Variants in LEPR observed in about 807,000 individuals in gnomAD.
LEPR encodes OB receptor.
A neutral mutation model predicts 114.7 loss-of-function variants in LEPR; 56 were observed. The ratio of observed to expected loss-of-function variants is 0.49; its 90% CI spans 0.39 to 0.61. The LOEUF (loss-of-function observed/expected upper bound fraction) is 0.61. Ranked by LOEUF, LEPR falls within the 20% of genes least tolerant of loss-of-function variation. The probability of loss-of-function intolerance (pLI) is 0.00; values close to 1 mark genes in which losing one functional copy is unlikely to be tolerated. For synonymous variants in LEPR, 443 were observed against 461.4 expected (o/e 0.96, Z 0.51); for missense variants, 1,202 against 1,352.9 (o/e 0.89, Z 1.75).
intron 2 of LEPR, among the ~76,000 whole-genome samples, chr1:65,497,980 A>G (rs1648249717): frequency 6.6e-6 from 1 of 152,182 alleles, no homozygotes; most frequent in Admixed American, 6.6e-5. Flanking sequence ...CTTGCTTGAC[A>G]TCTTTTGAAA....
chr1:65,546,992 AT>A (rs1211510154), intron 2 of LEPR, among the ~76,000 whole-genome samples: 1 of 152,164 alleles, frequency 6.6e-6, no homozygotes, highest in Non-Finnish European at 1.5e-5. Context: ...TGAATACCTA[AT>A]TTATTGAGAG....
At chr1:65,441,349 G>T (rs978388867) in intron 2 of LEPR, among the ~76,000 whole-genome samples, 1 of 152,234 alleles carries the variant, frequency 6.6e-6, no homozygotes, top group Admixed American at 6.5e-5. Flanking sequence ...AAACATACAG[G>T]TGGTGACCCT....
intron 2 of LEPR, among the ~76,000 whole-genome samples, chr1:65,518,891 TTCTTTCTTTCTTTCTTTCTTTCTTTC>T (rs1272200025): frequency 1.4e-4 from 12 of 85,490 alleles, no homozygotes; most frequent in Non-Finnish European, 2.8e-4. Context: ...CTTTCTTTCT[TTCTTTCTTTCTTTCTTTCTTTCTTTC>T]TCTCTTTCTC....
In LEPR at chr1:65,636,098, ATTAAC is replaced by A. The variant is rs139863641; in HGVS notation, c.2674-87_2674-83del. On this transcript the variant is annotated intron_variant, in intron 19 of 19. Coordinates refer to ENST00000349533, the MANE Select transcript of LEPR (RefSeq NM_002303.6). ...TTGTGGTTGACTTATGTTCTTTATT[ATTAAC>A]TTAACACACTTCCATTTCTGCCAGT... The A allele has an allele frequency of 6.9e-4, 961 of 1,402,686 alleles. 2 individuals are homozygous for A. The African/African-American group carries it at 0.01, about 15-fold the overall frequency. The allele number at this position is 1,402,686 out of a possible 1,614,324, so 86.9% of individuals were successfully genotyped here.
chr1:65,434,463 C>G, intron 2 of LEPR: 1 of 985,340 alleles, frequency 1.0e-6, no homozygotes, highest in Non-Finnish European at 1.2e-6. Context: ...AAGTGGGTTA[C>G]AAGCAGACTT....
chr1:65,599,441 A>C (rs1354025033), intron 8 of LEPR, among the ~76,000 whole-genome samples: 2 of 152,124 alleles, frequency 1.3e-5, no homozygotes, highest in Admixed American at 1.3e-4. Context: ...TCTTGTTCAG[A>C]CTTACTGAGA....
chr1:65,466,720 A>G (rs1168066031), intron 2 of LEPR, among the ~76,000 whole-genome samples: 1 of 151,994 alleles, frequency 6.6e-6, no homozygotes, highest in Non-Finnish European at 1.5e-5. Flanking sequence ...GGCTTTGTTC[A>G]TTTCTTTTTA....
intron 2 of LEPR, among the ~76,000 whole-genome samples, chr1:65,468,128 G>A (rs902035244): frequency 1.3e-5 from 2 of 152,158 alleles, no homozygotes; most frequent in East Asian, 1.9e-4. Context: ...CATTGATCTC[G>A]CTGGAGCTGC....
rs1658792807 is a variant in LEPR at position 65,638,808 on chromosome 1, A to T, written c.*1793A>T. ...GGTAAAGGGCTGATAGCAACTCATT[A>T]CTTGATGTGGTACGAGAGCCTTAGT... On this transcript the variant is annotated 3_prime_UTR_variant, in exon 20 of 20. Transcript: ENST00000349533. The T allele has an allele frequency of 1.3e-5, 2 of 152,236 alleles. No homozygotes were observed. The highest frequency in any genetic ancestry group is 2.9e-5 in the Non-Finnish European group (2 of 68,034). 9.4% of individuals were successfully genotyped at this position (152,236 alleles called of 1,614,324 possible).
intron 2 of LEPR, among the ~76,000 whole-genome samples, chr1:65,489,059 T>A (rs188526099): frequency 1.1e-4 from 17 of 152,340 alleles, no homozygotes; most frequent in Non-Finnish European, 1.9e-4. Context: ...TTGGCTACTA[T>A]GAATAGTGCT....
At chr1:65,532,565 A>G (rs1019591792) in intron 2 of LEPR, among the ~76,000 whole-genome samples, 2 of 152,208 alleles carry the variant, frequency 1.3e-5, no homozygotes, top group Non-Finnish European at 2.9e-5. Flanking sequence ...ATAATAACCA[A>G]AAAACAGAAA....
intron 2 of LEPR, chr1:65,525,921 C>G: frequency 2.2e-6 from 2 of 906,716 alleles, no homozygotes; most frequent in Non-Finnish European, 2.6e-6. Flanking sequence ...CGCGGAGCCC[C>G]GCGGGCCGCT....
At chr1:65,472,613 TAGACAC>T (rs1318053766) in intron 2 of LEPR, among the ~76,000 whole-genome samples, 6 of 93,564 alleles carry the variant, frequency 6.4e-5, no homozygotes, top group Non-Finnish European at 1.0e-4. Flanking sequence ...TGTATATATA[TAGACAC>T]ACACACACAC....
intron 2 of LEPR, among the ~76,000 whole-genome samples, chr1:65,428,319 T>C (rs1240221897): frequency 2.0e-5 from 3 of 152,220 alleles, no homozygotes; most frequent in African/African-American, 7.2e-5. Context: ...TGTCACTGTA[T>C]TCCAGGAAAA....
intron 2 of LEPR, among the ~76,000 whole-genome samples, chr1:65,505,529 C>T (rs1408393920): frequency 6.6e-6 from 1 of 152,108 alleles, no homozygotes; most frequent in East Asian, 1.9e-4. Flanking sequence ...CTCTGATTTC[C>T]AGTTAGGTTT....
intron 2 of LEPR, among the ~76,000 whole-genome samples, chr1:65,463,949 A>G (rs1369678255): frequency 6.6e-6 from 1 of 152,196 alleles, no homozygotes; most frequent in African/African-American, 2.4e-5. Flanking sequence ...TTTTCTAAAT[A>G]TACAATCATG....
intron 2 of LEPR, among the ~76,000 whole-genome samples, chr1:65,451,872 A>G (rs988929526): frequency 1.1e-4 from 16 of 152,096 alleles, no homozygotes; most frequent in Non-Finnish European, 2.2e-4. Context: ...CTTGGGCGGT[A>G]TGGCCATTTT....
intron 19 of LEPR, among the ~76,000 whole-genome samples, chr1:65,626,675 C>T (rs1048061619): frequency 2.6e-5 from 4 of 152,154 alleles, no homozygotes; most frequent in African/African-American, 9.7e-5. Context: ...CAGGGTCTCG[C>T]TCTGTCACCC....
chr1:65,467,803 C>T (rs1647034066), intron 2 of LEPR, among the ~76,000 whole-genome samples: 1 of 152,202 alleles, frequency 6.6e-6, no homozygotes, highest in East Asian at 1.9e-4. Flanking sequence ...GACTGCTGCA[C>T]TAGCAGTGAG....
Sources: allele counts gnomAD v4.1 joint callset (sites outside exome capture counted in the v4.1 genomes callset), GRCh38; gene constraint gnomAD v4.1.1; transcripts MANE v1.5; gene names NCBI Gene and HGNC (gene_info 2026-07-23, HGNC 2026-07-21).